The following ABCG1 variants were observed in gnomAD, a reference collection of about 807,000 sequenced individuals.
The protein encoded by ABCG1 is ATP-binding cassette sub-family G member 1.
A neutral mutation model predicts 69.2 loss-of-function variants in ABCG1; 29 were observed. That is an observed-to-expected ratio of 0.42 (90% CI 0.31 to 0.57). ABCG1 has a LOEUF of 0.57. Among genes scored for constraint, ABCG1 ranks in the 20% least tolerant of loss-of-function variants. ABCG1 has a pLI of 0.15. For missense variants in ABCG1, 718 were observed against 898.1 expected (o/e 0.80, Z 2.56); for synonymous variants, 370 against 374.8 (o/e 0.99, Z 0.15).
chr21:42,243,708 C>T lies in ABCG1; in HGVS notation c.286+17794C>T, dbSNP rs538351330. ...AGTGGAGAGGTTTTTGCAGGATTCC[C>T]GGCGCCCTGTCCAGACAGCGGTGGT... On this transcript the variant is annotated intron_variant, in intron 2 of 14. Transcript: ENST00000398449. 3.9e-5 allele frequency among the ~76,000 whole-genome samples: 6 copies of T among 151,924 alleles called. No homozygotes were observed. In the East Asian group the frequency reaches 9.7e-4, roughly 24 times the overall value.
At chr21:42,239,284 T>G (rs1338729502) in intron 2 of ABCG1, among the ~76,000 whole-genome samples, 1 of 152,226 alleles carries the variant, frequency 6.6e-6, no homozygotes, top group Non-Finnish European at 1.5e-5. Flanking sequence ...TTAGATCAAA[T>G]AGCTTGATAC....
chr21:42,231,816 G>A (rs1309705818), intron 2 of ABCG1, among the ~76,000 whole-genome samples: 1 of 152,224 alleles, frequency 6.6e-6, no homozygotes, highest in Non-Finnish European at 1.5e-5. Context: ...CTTCTTTGAG[G>A]CTGTTGTGCT....
At chr21:42,259,623 C>G (rs963401573) in intron 2 of ABCG1, 1 of 1,438,556 alleles carries the variant, frequency 7.0e-7, no homozygotes, top group African/African-American at 1.4e-5. Flanking sequence ...AACTGTCACT[C>G]ATTTGATAAA....
intron 2 of ABCG1, among the ~76,000 whole-genome samples, chr21:42,270,809 G>C (rs1008561659): frequency 6.6e-6 from 1 of 152,018 alleles, no homozygotes; most frequent in Non-Finnish European, 1.5e-5. Flanking sequence ...GACAATGAGT[G>C]GGAAAGTGCT....
At chr21:42,284,946 G>C (rs1018015618) in intron 7 of ABCG1, among the ~76,000 whole-genome samples, 3 of 152,148 alleles carry the variant, frequency 2.0e-5, no homozygotes, top group African/African-American at 7.2e-5. Flanking sequence ...TTAGCTCGTG[G>C]GGTGTCTTCA....
chr21:42,217,590 G>C (rs2067654718), upstream of ABCG1, among the ~76,000 whole-genome samples: 1 of 151,630 alleles, frequency 6.6e-6, no homozygotes, highest in African/African-American at 2.4e-5. Flanking sequence ...AGCCTCCAAG[G>C]CCTGGCACCC....
rs1490752625 is a variant in ABCG1 at position 42,288,634 on chromosome 21, G to C, written c.1224+322G>C. On this transcript the variant is annotated intron_variant, in intron 10 of 14. Transcript: ENST00000398449. This position sits in a 1 kb window ranked among gnomAD's most constrained non-coding sequence, Gnocchi z 4.8. ...GGGCAGGAGAACTGCTTGAACCCAGGGGGGCGGAGATTGCAGTGAGCCGAG... is the reference window on the plus strand; with the variant it reads ...GGGCAGGAGAACTGCTTGAACCCAGCGGGGCGGAGATTGCAGTGAGCCGAG... 1.3e-5 allele frequency among the ~76,000 whole-genome samples: 2 copies of C among 152,118 alleles called. No homozygotes were observed. The highest frequency in any genetic ancestry group is 2.9e-5 in the Non-Finnish European group (2 of 68,012).
rs1421583759 is a variant in ABCG1, at chr21:42,279,055, C to T, written c.588+2110C>T. Among the ~76,000 whole-genome samples the T allele has an allele frequency of 4.6e-5, 7 of 152,240 alleles. No homozygotes were observed. The East Asian group carries it at 1.4e-3, about 29-fold the overall frequency. ...CCTGGATCCGCCTTTCAGGGCCCTC[C>T]TTCCCATCCCCCGGCCTCCCTGCTT... On this transcript the variant is annotated intron_variant, in intron 5 of 14. Transcript: ENST00000398449.
rs1343856207 is a variant in ABCG1 at position 42,273,292 on chromosome 21, T to C, written c.405-11T>C. On this transcript the variant is annotated splice_polypyrimidine_tract_variant and intron_variant, in intron 3 of 14. Coordinates refer to ENST00000398449, the MANE Select transcript of ABCG1 (RefSeq NM_016818.3). This position sits in a 1 kb window ranked among gnomAD's most constrained non-coding sequence, Gnocchi z 5.3. ...CCCGGCTGACGGCTTCTCCTGTCCT[T>C]GGTTCTGCAGGGAGACGGGCATGAA... is the stretch of plus-strand genomic sequence containing the variant. 6.2e-7 allele frequency: 1 copy of C among 1,609,884 alleles called. No homozygotes were observed. Among genetic ancestry groups the C allele is most frequent in the South Asian group, 1.1e-5 (1 of 90,768 alleles).
chr21:42,209,198 CCT>C (rs2067567183), intron 2 of ABCG1, among the ~76,000 whole-genome samples: 1 of 152,152 alleles, frequency 6.6e-6, no homozygotes, highest in South Asian at 2.1e-4. Flanking sequence ...GGAGGAGCTG[CCT>C]CTGAGGGACC....
At chr21:42,209,772 T>C (rs1406473180) in intron 2 of ABCG1, among the ~76,000 whole-genome samples, 1 of 152,228 alleles carries the variant, frequency 6.6e-6, no homozygotes. Flanking sequence ...GTGCCGGCCA[T>C]GGCTTTCAAA....
intron 2 of ABCG1, among the ~76,000 whole-genome samples, chr21:42,235,217 C>T (rs2067962018): frequency 6.6e-6 from 1 of 152,200 alleles, no homozygotes; most frequent in Admixed American, 6.5e-5. Flanking sequence ...GGCCTGCGCT[C>T]CATTCAGGCT....
chr21:42,293,299 C>G, intron 13 of ABCG1, among the ~76,000 whole-genome samples: 1 of 134,446 alleles, frequency 7.4e-6, no homozygotes, highest in African/African-American at 2.8e-5. Flanking sequence ...ACACACCACA[C>G]ACACTACACA....
At position 42,288,201 on chromosome 21, in the gene ABCG1, G is replaced by T. The variant is rs2068983463; in HGVS notation, c.1123-10G>T. On this transcript the variant is annotated splice_polypyrimidine_tract_variant and intron_variant, in intron 9 of 14. Coordinates refer to ENST00000398449, the MANE Select transcript of ABCG1 (RefSeq NM_016818.3). The surrounding 1 kb of genome is among the most constrained non-coding windows in gnomAD (Gnocchi z 4.8). ...GCTTTCACCCGCTCCCCTCTTGCGT[G>T]TGTCCTCAGGACTCCTCGTCCATGG... The T allele has an allele frequency of 6.2e-7, 1 of 1,614,012 alleles. No individual in the cohort carries two copies.
chr21:42,254,012 G>GC (rs2068263616), intron 2 of ABCG1, among the ~76,000 whole-genome samples: 2 of 151,974 alleles, frequency 1.3e-5, no homozygotes, highest in Admixed American at 6.6e-5. Flanking sequence ...ACAGCTGCTG[G>GC]TGCTGCTTAG....
At chr21:42,252,083 T>G (rs1340453124) in intron 2 of ABCG1, among the ~76,000 whole-genome samples, 1 of 152,216 alleles carries the variant, frequency 6.6e-6, no homozygotes, top group Non-Finnish European at 1.5e-5. Flanking sequence ...CCCGCAATGC[T>G]TCTTGGATGT....
upstream of ABCG1, among the ~76,000 whole-genome samples, chr21:42,214,794 C>T (rs1409179043): frequency 6.6e-6 from 1 of 152,230 alleles, no homozygotes; most frequent in Non-Finnish European, 1.5e-5. Flanking sequence ...TCTCTGCAGC[C>T]TTCTCCCCAT....
In ABCG1 at chr21:42,273,546, C is replaced by T; in HGVS notation, c.537+111C>T. ...GCTGCGAGGGACCCAAGGGCTCTGC[C>T]ACGCGGCCTGCACAGGGCCAGCAAC... On this transcript the variant is annotated intron_variant, in intron 4 of 14. Coordinates refer to ENST00000398449, the MANE Select transcript of ABCG1 (RefSeq NM_016818.3). This position sits in a 1 kb window ranked among gnomAD's most constrained non-coding sequence, Gnocchi z 5.3. 1.5e-6 allele frequency: 2 copies of T among 1,332,902 alleles called. No homozygotes were observed. Among genetic ancestry groups the T allele is most frequent in the South Asian group, 1.4e-5 (1 of 69,856 alleles). The allele number at this position is 1,332,902 out of a possible 1,614,324, so 82.6% of individuals were successfully genotyped here. A position where few individuals can be genotyped will look rare whatever the true frequency, so the allele number is the denominator to read the frequency against.
At chr21:42,225,325 G>T (rs150923633) in intron 1 of ABCG1, among the ~76,000 whole-genome samples, 1 of 152,316 alleles carries the variant, frequency 6.6e-6, no homozygotes, top group African/African-American at 2.4e-5. Context: ...TTTTTAAAAT[G>T]AGGGGACTGT....
Sources: gnomAD v4.1 joint callset for allele counts (sites outside exome capture counted in the v4.1 genomes callset) on GRCh38, gnomAD v4.1.1 for gene constraint, Gnocchi (gnomAD v3.1) non-coding constraint, MANE v1.5 for transcripts, NCBI Gene and HGNC (gene_info 2026-07-23, HGNC 2026-07-21) for gene names.